Variants in UBAC2 observed in about 807,000 individuals in gnomAD.
UBAC2 encodes the protein UBA domain containing 2.
In UBAC2, 26 loss-of-function variants were observed where a neutral mutation model predicts 44.0. The observed-to-expected ratio is 0.59, with a 90% confidence interval of 0.43 to 0.82. The LOEUF (loss-of-function observed/expected upper bound fraction) is 0.82. UBAC2 is among the 40% of genes least tolerant of loss of function. The probability of loss-of-function intolerance (pLI) is 0.00; values close to 1 mark genes in which losing one functional copy is unlikely to be tolerated. For missense variants in UBAC2, 329 were observed against 419.4 expected, an observed-to-expected ratio of 0.78 and a Z score of 1.88; for synonymous variants, 155 against 154.3, an observed-to-expected ratio of 1.00 and a Z score of -0.04.
At chr13:99,234,477 A>G (rs2043212767) in intron 1 of UBAC2, 1 of 164,420 alleles carries the variant, frequency 6.1e-6, no homozygotes, top group Non-Finnish European at 1.3e-5. Context: ...GGCGTGAGCC[A>G]CTGCGCCCTG....
intron 8 of UBAC2, among the ~76,000 whole-genome samples, chr13:99,383,271 G>C (rs2045574595): frequency 6.6e-6 from 1 of 152,232 alleles, no homozygotes; most frequent in African/African-American, 2.4e-5. Context: ...CTCGAGTCAG[G>C]TCTCTCAAAT....
intron 4 of UBAC2, among the ~76,000 whole-genome samples, chr13:99,300,294 G>A (rs1475832268): frequency 6.6e-6 from 1 of 152,230 alleles, no homozygotes; most frequent in Non-Finnish European, 1.5e-5. Context: ...TAAGTGGGAT[G>A]GCTTGGAAAT....
chr13:99,268,399 G>T (rs891326952), intron 4 of UBAC2, among the ~76,000 whole-genome samples: 4 of 152,118 alleles, frequency 2.6e-5, no homozygotes, highest in African/African-American at 9.7e-5. Flanking sequence ...GATCGTTTGA[G>T]TCCTGGAGAC....
intron 8 of UBAC2, among the ~76,000 whole-genome samples, chr13:99,382,230 T>C (rs1255912078): frequency 6.6e-6 from 1 of 152,210 alleles, no homozygotes. Context: ...AAAATGAGAA[T>C]TGAAAATAAT....
chr13:99,328,187 A>G (rs2044666591), intron 6 of UBAC2, among the ~76,000 whole-genome samples: 1 of 152,218 alleles, frequency 6.6e-6, no homozygotes, highest in Admixed American at 6.5e-5. Context: ...TTATTGTATT[A>G]AGTAACAATT....
At chr13:99,346,760 GTC>G (rs1259156982) in intron 7 of UBAC2, among the ~76,000 whole-genome samples, 1 of 152,162 alleles carries the variant, frequency 6.6e-6, no homozygotes, top group East Asian at 1.9e-4. Context: ...GACACTGCCT[GTC>G]TCTCGTGGCA....
intron 4 of UBAC2, among the ~76,000 whole-genome samples, chr13:99,270,076 G>A (rs1177589936): frequency 6.6e-6 from 1 of 152,124 alleles, no homozygotes; most frequent in Non-Finnish European, 1.5e-5. Context: ...AACACCACTG[G>A]TATAGCAATT....
chr13:99,309,849 C>G (rs1413968816), intron 4 of UBAC2, among the ~76,000 whole-genome samples: 2 of 151,738 alleles, frequency 1.3e-5, no homozygotes, highest in African/African-American at 4.8e-5. Flanking sequence ...TGACCTCAAG[C>G]CATCTGCCCA....
chr13:99,380,700 A>G (rs922264545), intron 8 of UBAC2, among the ~76,000 whole-genome samples: 7 of 152,186 alleles, frequency 4.6e-5, no homozygotes, highest in Admixed American at 2.6e-4. Flanking sequence ...TCAGTTTGCC[A>G]TGGATGTTTA....
chr13:99,277,763 C>T (rs1045641138), intron 4 of UBAC2, among the ~76,000 whole-genome samples: 1 of 152,134 alleles, frequency 6.6e-6, no homozygotes, highest in Non-Finnish European at 1.5e-5. Context: ...TCTGGGCCTA[C>T]TTACTGGGGC....
At chr13:99,234,171 CTTTTTTTTTTTTTTTT>C (rs773370310) in intron 1 of UBAC2, among the ~76,000 whole-genome samples, 12 of 61,712 alleles carry the variant, frequency 1.9e-4, no homozygotes, top group East Asian at 1.1e-3. Flanking sequence ...CTAGCCGTTT[CTTTTTTTTTTTTTTTT>C]TTTTTTTTTT....
At chr13:99,325,462 T>G (rs1473916398) in intron 6 of UBAC2, among the ~76,000 whole-genome samples, 1 of 152,100 alleles carries the variant, frequency 6.6e-6, no homozygotes, top group Non-Finnish European at 1.5e-5. Context: ...TCCAACTATA[T>G]CCCCTATTTC....
chr13:99,255,130 A>T (rs2043522738), intron 4 of UBAC2: 1 of 1,614,034 alleles, frequency 6.2e-7, no homozygotes, highest in Admixed American at 1.7e-5. Context: ...ACAGATGTGG[A>T]AGGGCATAAA....
intron 7 of UBAC2, among the ~76,000 whole-genome samples, chr13:99,365,444 T>G (rs775660060): frequency 1.3e-5 from 2 of 152,176 alleles, no homozygotes; most frequent in Non-Finnish European, 2.9e-5. Flanking sequence ...ATTTAAAAAT[T>G]ACATCAACCA....
chr13:99,241,264 C>CAAAA (rs35336464), intron 2 of UBAC2, among the ~76,000 whole-genome samples: 2 of 114,854 alleles, frequency 1.7e-5, no homozygotes. Context: ...GACCCTGTCT[C>CAAAA]AAAAAAAAAA....
chr13:99,236,748 G>A (rs1030140316), intron 1 of UBAC2, among the ~76,000 whole-genome samples: 19 of 152,134 alleles, frequency 1.2e-4, no homozygotes, highest in Admixed American at 5.9e-4. Context: ...TACTTGGTAG[G>A]CTGAGGCAGG....
At chr13:99,208,521 C>T (rs1314277833) in intron 1 of UBAC2, among the ~76,000 whole-genome samples, 3 of 152,206 alleles carry the variant, frequency 2.0e-5, no homozygotes, top group African/African-American at 7.2e-5. Flanking sequence ...ATGTAGGCTC[C>T]ATTTAAAAAT....
chr13:99,346,783 G>A (rs566139195), intron 7 of UBAC2, among the ~76,000 whole-genome samples: 4 of 152,320 alleles, frequency 2.6e-5, no homozygotes, highest in South Asian at 2.1e-4. Flanking sequence ...CCGCAAACCC[G>A]ATGTTCACTG....
At chr13:99,341,310 A>G (rs1276759307) in intron 7 of UBAC2, among the ~76,000 whole-genome samples, 1 of 151,852 alleles carries the variant, frequency 6.6e-6, no homozygotes, top group Non-Finnish European at 1.5e-5. Flanking sequence ...TTCCACTAGC[A>G]TTGGATGCAA....
Sources: allele counts gnomAD v4.1 joint callset (sites outside exome capture counted in the v4.1 genomes callset), GRCh38; gene constraint gnomAD v4.1.1; transcripts MANE v1.5; gene names NCBI Gene and HGNC (gene_info 2026-07-23, HGNC 2026-07-21).